Variants in AK3 observed in about 807,000 individuals in gnomAD.
The protein encoded by AK3 is GTP:AMP phosphotransferase AK3, mitochondrial.
AK3 carries 27 observed loss-of-function variants against 23.7 expected under a neutral mutation model. That is an observed-to-expected ratio of 1.14 (90% confidence interval 0.84 to 1.57). AK3 has a LOEUF of 1.57. AK3 is among the 40% of genes most tolerant of loss of function. The probability of loss-of-function intolerance (pLI) is 0.00; values close to 1 mark genes in which losing one functional copy is unlikely to be tolerated. For missense variants in AK3, 406 were observed against 285.6 expected, an observed-to-expected ratio of 1.42 and a Z score of -3.04; for synonymous variants, 159 against 116.0, an observed-to-expected ratio of 1.37 and a Z score of -2.38.
chr9:4,724,535 C>T (rs930514644), intron 1 of AK3, among the ~76,000 whole-genome samples: 1 of 152,020 alleles, frequency 6.6e-6, no homozygotes. Context: ...TAGAAAGCAT[C>T]CAGAAAAAAA....
chr9:4,720,564 C>A (rs1195221299), intron 2 of AK3, among the ~76,000 whole-genome samples: 2 of 151,858 alleles, frequency 1.3e-5, no homozygotes, highest in Non-Finnish European at 2.9e-5. Context: ...GTGGTGCATG[C>A]CTATGGTCCC....
chr9:4,719,102 C>A, intron 3 of AK3, 33 bp downstream of exon 3: 3 of 1,610,306 alleles, frequency 1.9e-6, no homozygotes, highest in Non-Finnish European at 2.5e-6. Flanking sequence ...CAGGGACAGT[C>A]TGCTATGTGA....
chr9:4,732,002 T>G (rs937996623), intron 1 of AK3, among the ~76,000 whole-genome samples: 2 of 152,216 alleles, frequency 1.3e-5, no homozygotes, highest in African/African-American at 4.8e-5. Context: ...CATGCTGGAC[T>G]GCAGTGGTAT....
intron 1 of AK3, among the ~76,000 whole-genome samples, chr9:4,725,354 A>C (rs1262088050): frequency 6.6e-6 from 1 of 152,132 alleles, no homozygotes; most frequent in African/African-American, 2.4e-5. Flanking sequence ...ATAAATCTTC[A>C]TCACTATGCA....
intron 1 of AK3, among the ~76,000 whole-genome samples, chr9:4,731,013 T>G (rs988713270): frequency 1.3e-5 from 2 of 152,252 alleles, no homozygotes; most frequent in Non-Finnish European, 2.9e-5. Flanking sequence ...ACTGCCTTAC[T>G]TGGCTGGAAG....
At position 4,709,872 on chromosome 9, in the gene AK3, A is replaced by T. The variant is rs1304367310; in HGVS notation, c.*3104T>A. On this transcript the variant is annotated 3_prime_UTR_variant, in exon 5 of 5. Transcript: ENST00000381809. ...GAGAAGACACAACATATTCTAAAAT[A>T]CAAATTCTTGCTGTTGGTTGCAACT... The T allele has an allele frequency of 1.3e-5, 2 of 152,160 alleles. No individual in the cohort carries two copies. Among genetic ancestry groups the T allele is most frequent in the African/African-American group, 4.8e-5 (2 of 41,450 alleles). The allele number at this position is 152,160 out of a possible 1,614,324, so 9.4% of individuals were successfully genotyped here.
At chr9:4,727,369 A>G (rs959384361) in intron 1 of AK3, among the ~76,000 whole-genome samples, 9 of 152,206 alleles carry the variant, frequency 5.9e-5, no homozygotes, top group African/African-American at 2.2e-4. Context: ...CACCTTCATC[A>G]ATGATCTTAG....
intron 2 of AK3, 59 bp downstream of exon 2, chr9:4,722,447 A>T (rs2130886563): frequency 1.2e-6 from 2 of 1,610,730 alleles, no homozygotes; most frequent in South Asian, 2.2e-5. Context: ...TGAAATGCTC[A>T]TTCTCCTGCC....
At chr9:4,719,674 AC>A (rs1841840997) in intron 2 of AK3, among the ~76,000 whole-genome samples, 1 of 152,032 alleles carries the variant, frequency 6.6e-6, no homozygotes. Flanking sequence ...GCTGACCCTC[AC>A]CCAAATAACA....
At chr9:4,722,852 T>A (rs181927888) in intron 1 of AK3, among the ~76,000 whole-genome samples, 2 of 151,022 alleles carry the variant, frequency 1.3e-5, no homozygotes, top group Admixed American at 1.3e-4. Flanking sequence ...AGGACAGGAG[T>A]TCAAGACTAG....
chr9:4,735,364 CATATATAAATATATATACAT>C (rs1842256994), intron 1 of AK3, among the ~76,000 whole-genome samples: 10 of 67,144 alleles, frequency 1.5e-4, no homozygotes, highest in African/African-American at 4.7e-4. Context: ...TATATATATA[CATATATAAATATATATACAT>C]ATATAAATAT....
In AK3 at chr9:4,729,015, A is replaced by ATATATATATATTT. The variant is rs71326127; in HGVS notation, c.152-6391_152-6390insAAATATATATATA. ...CACACACACATATATATATATATAT[A>ATATATATATATTT]TTTTTTTTTTTTGAGACGGAATTTT... On this transcript the variant is annotated intron_variant, in intron 1 of 4. Transcript: ENST00000381809. Among the ~76,000 whole-genome samples the ATATATATATATTT allele has an allele frequency of 7.3e-3, 946 of 129,380 alleles. 16 individuals carry two copies. The highest frequency in any genetic ancestry group is 0.036 in the East Asian group (148 of 4,164). The allele number at this position is 129,380 out of a possible 152,430, so 84.9% of individuals were successfully genotyped here.
chr9:4,718,100 C>G (rs1350969200), intron 4 of AK3, among the ~76,000 whole-genome samples: 1 of 152,170 alleles, frequency 6.6e-6, no homozygotes, highest in Non-Finnish European at 1.5e-5. Context: ...AAAGGTTACC[C>G]CTCAGCCCTT....
Position 4,741,188 on chromosome 9 carries a change from T to C in AK3, c.-101A>G, listed in dbSNP as rs1026938850. 1.7e-5 allele frequency: 21 copies of C among 1,241,416 alleles called. No individual in the cohort carries two copies. The highest frequency in any genetic ancestry group is 1.3e-4 in the Admixed American group (3 of 23,768). The allele number at this position is 1,241,416 out of a possible 1,614,324, so 76.9% of individuals were successfully genotyped here. ...TGCGCCGGCCGGCTAGCAGCGCCAC[T>C]AGCAGGCGGCTACTGCGGTTCCCCG... On this transcript the variant is annotated 5_prime_UTR_variant, in exon 1 of 5. Transcript: ENST00000381809.
At chr9:4,736,624 C>G (rs1391380595) in intron 1 of AK3, among the ~76,000 whole-genome samples, 1 of 151,954 alleles carries the variant, frequency 6.6e-6, no homozygotes, top group Admixed American at 6.6e-5. Flanking sequence ...TTCATCTCCC[C>G]CATCATATAG....
At chr9:4,736,455 T>C (rs1842295719) in intron 1 of AK3, among the ~76,000 whole-genome samples, 1 of 133,094 alleles carries the variant, frequency 7.5e-6, no homozygotes, top group African/African-American at 2.8e-5. Context: ...TATTACAAAT[T>C]AAATGTTTTA....
intron 1 of AK3, 125 bp from the exon 2 acceptor site, chr9:4,722,750 C>A: frequency 1.4e-6 from 2 of 1,403,660 alleles, no homozygotes; most frequent in South Asian, 1.3e-5. Flanking sequence ...GCATCATCAA[C>A]TTTTCTGATA....
chr9:4,709,989 T>C lies in AK3; in HGVS notation c.*2987A>G, dbSNP rs1841508281. 1 of 152,156 alleles carries C rather than the reference T, an allele frequency of 6.6e-6. No individual in the cohort carries two copies. Among genetic ancestry groups the C allele is most frequent in the Non-Finnish European group, 1.5e-5 (1 of 68,028 alleles). The allele number at this position is 152,156 out of a possible 1,614,324, so 9.4% of individuals were successfully genotyped here. A position where few individuals can be genotyped will look rare whatever the true frequency, so the allele number is the denominator to read the frequency against. ...TCACAAGTTATGAGGATCCAAAATA[T>C]CTTGCTAGAATGCCATTATATATAG... On this transcript the variant is annotated 3_prime_UTR_variant, in exon 5 of 5. Transcript: ENST00000381809.
chr9:4,737,674 G>T (rs547316925), intron 1 of AK3, among the ~76,000 whole-genome samples: 1 of 152,252 alleles, frequency 6.6e-6, no homozygotes, highest in Non-Finnish European at 1.5e-5. Flanking sequence ...AGCCGAGATC[G>T]TGCCACTGCA....
Sources: gnomAD v4.1 joint callset for allele counts (sites outside exome capture counted in the v4.1 genomes callset) on GRCh38, gnomAD v4.1.1 for gene constraint, MANE v1.5 for transcripts, NCBI Gene and HGNC (gene_info 2026-07-23, HGNC 2026-07-21) for gene names.